The following CTNNA3 variants were observed in gnomAD, a reference collection of about 807,000 sequenced individuals.
CTNNA3 encodes the protein catenin alpha-3.
A neutral mutation model predicts 95.7 loss-of-function variants in CTNNA3; 76 were observed. The ratio of observed to expected loss-of-function variants is 0.79; its 90% CI spans 0.66 to 0.96. CTNNA3 has a LOEUF of 0.96. CTNNA3 is among the 40% of genes least tolerant of loss of function. CTNNA3 has a pLI of 0.00. For synonymous variants in CTNNA3, 431 were observed against 374.4 expected, an observed-to-expected ratio of 1.15 and a Z score of -1.74; for missense variants, 1,191 against 1,089.8, an observed-to-expected ratio of 1.09 and a Z score of -1.31.
At chr10:66,334,550 G>C (rs1273176624) in intron 12 of CTNNA3, among the ~76,000 whole-genome samples, 1 of 151,994 alleles carries the variant, frequency 6.6e-6, no homozygotes, top group African/African-American at 2.4e-5. Flanking sequence ...TAATAATGTT[G>C]AATATTGGCC....
At chr10:66,834,034 G>T (rs1842813715) in intron 7 of CTNNA3, among the ~76,000 whole-genome samples, 1 of 152,104 alleles carries the variant, frequency 6.6e-6, no homozygotes, top group Non-Finnish European at 1.5e-5. Context: ...AGGGTGTATT[G>T]TTCCCATGTT....
rs567376425 is a variant in CTNNA3 at position 66,515,551 on chromosome 10, T to C, written c.1531+5066A>G. 8.5e-5 allele frequency among the ~76,000 whole-genome samples: 13 copies of C among 152,202 alleles called. No individual in the cohort carries two copies. The South Asian group carries it at 2.7e-3, about 32-fold the overall frequency. On this transcript the variant is annotated intron_variant, in intron 11 of 17. Transcript: ENST00000433211. ...AACATATCACTCTAAAAGATCATTG[T>C]ATTAGTCCATTCTCATGCTGCTCTA...
At chr10:67,196,424 A>C (rs1215984883) in intron 6 of CTNNA3, among the ~76,000 whole-genome samples, 1 of 152,090 alleles carries the variant, frequency 6.6e-6, no homozygotes, top group Non-Finnish European at 1.5e-5. Flanking sequence ...ACAACAGAAA[A>C]AAAGAAAATA....
chr10:66,183,616 A>G (rs1471348777), intron 13 of CTNNA3, among the ~76,000 whole-genome samples: 1 of 152,208 alleles, frequency 6.6e-6, no homozygotes, highest in East Asian at 1.9e-4. Flanking sequence ...TTTCTCAGTA[A>G]TGTTTCTATG....
intron 7 of CTNNA3, among the ~76,000 whole-genome samples, chr10:66,842,350 C>T (rs60616580): frequency 0.037 from 5,649 of 151,890 alleles, 358 homozygotes; most frequent in African/African-American, 0.13. Flanking sequence ...GGAAAAACAA[C>T]GAAAGGCAGG....
chr10:65,942,353 C>T (rs1480843773), intron 17 of CTNNA3, among the ~76,000 whole-genome samples: 2 of 152,038 alleles, frequency 1.3e-5, no homozygotes, highest in African/African-American at 4.8e-5. Context: ...ATGGTGAAAC[C>T]CTGTCTCTAC....
intron 12 of CTNNA3, among the ~76,000 whole-genome samples, chr10:66,349,784 A>G (rs1364221228): frequency 3.9e-5 from 6 of 152,108 alleles, no homozygotes; most frequent in Non-Finnish European, 7.4e-5. Flanking sequence ...TTTTATGGTC[A>G]TAAGTACAGT....
At chr10:67,236,742 A>G (rs1865480443) in intron 5 of CTNNA3, among the ~76,000 whole-genome samples, 1 of 152,040 alleles carries the variant, frequency 6.6e-6, no homozygotes, top group African/African-American at 2.4e-5. Flanking sequence ...CACATCACTA[A>G]TGATCAGGGA....
chr10:67,643,589 G>A (rs1476411996), intron 2 of CTNNA3, among the ~76,000 whole-genome samples: 1 of 151,718 alleles, frequency 6.6e-6, no homozygotes, highest in Non-Finnish European at 1.5e-5. Flanking sequence ...GAACGTGCAG[G>A]TTTGTTACAT....
chr10:66,743,183 TG>T (rs1364995171), intron 9 of CTNNA3, among the ~76,000 whole-genome samples: 1 of 152,126 alleles, frequency 6.6e-6, no homozygotes, highest in Non-Finnish European at 1.5e-5. Context: ...ATAATAGACA[TG>T]TAAGATACAT....
chr10:66,317,247 T>C (rs1564862028), intron 12 of CTNNA3, among the ~76,000 whole-genome samples: 2 of 152,286 alleles, frequency 1.3e-5, no homozygotes, highest in East Asian at 3.9e-4. Context: ...CAGTATCTGA[T>C]GGCCAGCACA....
At chr10:66,875,271 G>T (rs775268313) in intron 7 of CTNNA3, among the ~76,000 whole-genome samples, 4 of 151,982 alleles carry the variant, frequency 2.6e-5, no homozygotes, top group African/African-American at 9.7e-5. Flanking sequence ...GAACATAGTG[G>T]TTACATAACT....
chr10:67,321,215 T>C (rs1481772955), intron 5 of CTNNA3, among the ~76,000 whole-genome samples: 1 of 152,192 alleles, frequency 6.6e-6, no homozygotes, highest in African/African-American at 2.4e-5. Flanking sequence ...CCAATCCCCA[T>C]GTTTATAGTT....
chr10:67,725,999 A>G (rs1841210233), intron 1 of CTNNA3, among the ~76,000 whole-genome samples: 2 of 137,630 alleles, frequency 1.5e-5, no homozygotes, highest in Admixed American at 7.9e-5. Context: ...TATATTATAT[A>G]TTATATATCT....
intron 3 of CTNNA3, among the ~76,000 whole-genome samples, chr10:67,545,890 A>T (rs1840830949): frequency 6.6e-6 from 1 of 152,212 alleles, no homozygotes; most frequent in African/African-American, 2.4e-5. Flanking sequence ...TTTCAGTCAC[A>T]TTTAGTCAAA....
At chr10:66,471,400 TAA>T (rs974315443) in intron 11 of CTNNA3, among the ~76,000 whole-genome samples, 13 of 151,950 alleles carry the variant, frequency 8.6e-5, no homozygotes, top group African/African-American at 2.9e-4. Context: ...AACTTAAATT[TAA>T]GTTTTCAAAA....
chr10:66,071,926 T>C lies in CTNNA3; in HGVS notation c.1978-2437A>G, dbSNP rs548088736. Among the ~76,000 whole-genome samples the C allele has an allele frequency of 4.6e-5, 7 of 152,312 alleles. No individual in the cohort carries two copies. The East Asian group carries it at 1.4e-3, about 29-fold the overall frequency. ...TTATCCCAATTGCCTATTAGGCATT[T>C]TTAAGCATAGATTTCATTTACTAAT... is the stretch of plus-strand genomic sequence containing the variant. On this transcript the variant is annotated intron_variant, in intron 14 of 17. Coordinates refer to ENST00000433211, the MANE Select transcript of CTNNA3 (RefSeq NM_013266.4).
At chr10:67,518,708 G>A (rs1839895192) in intron 5 of CTNNA3, among the ~76,000 whole-genome samples, 1 of 151,988 alleles carries the variant, frequency 6.6e-6, no homozygotes, top group South Asian at 2.1e-4. Context: ...ACCTTATTTT[G>A]TTTTACTTCA....
chr10:67,427,836 G>T (rs1409188475), intron 5 of CTNNA3, among the ~76,000 whole-genome samples: 1 of 152,034 alleles, frequency 6.6e-6, no homozygotes, highest in East Asian at 1.9e-4. Context: ...GGGCCCAGAA[G>T]ATGGGTGGAC....
Sources: gnomAD v4.1 joint callset for allele counts (sites outside exome capture counted in the v4.1 genomes callset) on GRCh38, gnomAD v4.1.1 for gene constraint, MANE v1.5 for transcripts, NCBI Gene and HGNC (gene_info 2026-07-23, HGNC 2026-07-21) for gene names.